HDAC9: variants seen among roughly 807,000 people sequenced by gnomAD.
HDAC9 encodes histone deacetylase 9.
In HDAC9, 41 loss-of-function variants were observed where a neutral mutation model predicts 139.4. The ratio of observed to expected loss-of-function variants is 0.29; its 90% CI spans 0.23 to 0.38. The LOEUF (loss-of-function observed/expected upper bound fraction) is 0.38, where lower values mean the gene tolerates loss of function less well. Ranked by LOEUF, HDAC9 falls within the 10% of genes least tolerant of loss-of-function variation. The pLI is 1.00. For missense variants in HDAC9, 1,147 were observed against 1,297.0 expected (o/e 0.88, Z 1.78); for synonymous variants, 517 against 476.2 (o/e 1.09, Z -1.12).
At chr7:18,765,107 G>A (rs1264294274) in intron 15 of HDAC9, among the ~76,000 whole-genome samples, 1 of 152,088 alleles carries the variant, frequency 6.6e-6, no homozygotes, top group African/African-American at 2.4e-5. Context: ...TCAGTGCATT[G>A]ATAAGACAAC....
intron 14 of HDAC9, among the ~76,000 whole-genome samples, chr7:18,758,228 C>A (rs1436951614): frequency 6.6e-6 from 1 of 152,184 alleles, no homozygotes; most frequent in Admixed American, 6.5e-5. Flanking sequence ...TCCTTATTTG[C>A]ATTGTGTGCC....
At position 18,999,784 on chromosome 7, in the gene HDAC9, T is replaced by G. The variant is rs1439804232; in HGVS notation, c.*3722T>G. The G allele has an allele frequency of 6.6e-6, 1 of 152,198 alleles. No individual in the cohort carries two copies. The highest frequency in any genetic ancestry group is 1.5e-5 in the Non-Finnish European group (1 of 68,044). 9.4% of individuals were successfully genotyped at this position (152,198 alleles called of 1,614,324 possible). A position where few individuals can be genotyped will look rare whatever the true frequency, so the allele number is the denominator to read the frequency against. On this transcript the variant is annotated 3_prime_UTR_variant, in exon 26 of 26. Transcript: ENST00000686413. The stretch of plus-strand genomic sequence containing the variant: ...AGCATTTATGTTTAGAAGAATTAAT[T>G]TAAATATTTCTTACTATTTCTCTGT...
chr7:18,642,903 C>T (rs1217866740), intron 8 of HDAC9, among the ~76,000 whole-genome samples: 1 of 152,038 alleles, frequency 6.6e-6, no homozygotes, highest in Non-Finnish European at 1.5e-5. Flanking sequence ...TCTCCCAGTC[C>T]GTGTCAAATC....
chr7:18,817,954 A>C (rs557864943), intron 17 of HDAC9, among the ~76,000 whole-genome samples: 1 of 152,356 alleles, frequency 6.6e-6, no homozygotes, highest in African/African-American at 2.4e-5. Flanking sequence ...TTTAAGCAAA[A>C]AATGCTTCTT....
intron 22 of HDAC9, among the ~76,000 whole-genome samples, chr7:18,889,446 A>G (rs548387450): frequency 6.6e-6 from 1 of 152,188 alleles, no homozygotes; most frequent in East Asian, 1.9e-4. Context: ...TGATTTAAAA[A>G]AAAATGATCT....
chr7:18,935,502 G>A (rs1056701831), intron 22 of HDAC9, among the ~76,000 whole-genome samples: 2 of 152,112 alleles, frequency 1.3e-5, no homozygotes, highest in Non-Finnish European at 2.9e-5. Context: ...AGAGTATTCA[G>A]TTTTTTTATC....
intron 2 of HDAC9, among the ~76,000 whole-genome samples, chr7:18,253,609 C>T (rs1434765969): frequency 3.9e-5 from 6 of 152,172 alleles, no homozygotes; most frequent in Non-Finnish European, 8.8e-5. Flanking sequence ...TGACAAACCA[C>T]AATCTTGATT....
intron 2 of HDAC9, among the ~76,000 whole-genome samples, chr7:18,201,487 T>A (rs1237441084): frequency 6.6e-6 from 1 of 152,194 alleles, no homozygotes; most frequent in Admixed American, 6.5e-5. Context: ...GCTTAGCCAC[T>A]CAGTCATAGA....
intron 23 of HDAC9, among the ~76,000 whole-genome samples, chr7:18,947,209 A>C (rs1242787486): frequency 6.6e-6 from 1 of 152,016 alleles, no homozygotes; most frequent in Non-Finnish European, 1.5e-5. Flanking sequence ...CATATATCTC[A>C]TTAGAGAATC....
chr7:18,828,611 T>C (rs965630943), intron 17 of HDAC9, among the ~76,000 whole-genome samples: 1 of 152,208 alleles, frequency 6.6e-6, no homozygotes, highest in Non-Finnish European at 1.5e-5. Context: ...GGAAGAAATA[T>C]GGGCTTTCCA....
At chr7:18,518,528 C>G (rs184152415) in intron 2 of HDAC9, among the ~76,000 whole-genome samples, 3 of 152,138 alleles carry the variant, frequency 2.0e-5, no homozygotes, top group Non-Finnish European at 4.4e-5. Flanking sequence ...GCATAGATTA[C>G]AAGCAGGGGA....
rs1488369042 is a variant in HDAC9 at position 18,745,851 on chromosome 7, C to G, written c.1910-3154C>G. On this transcript the variant is annotated intron_variant, in intron 13 of 25. Coordinates refer to ENST00000686413, the MANE Select transcript of HDAC9 (RefSeq NM_178425.4). ...GTGAGCCACCGTGCCCGGCCCGACTCTCTACTCTTGAAGAATATATTTCTT... is the reference window on the plus strand; with the variant it reads ...GTGAGCCACCGTGCCCGGCCCGACTGTCTACTCTTGAAGAATATATTTCTT... Among the ~76,000 whole-genome samples the G allele has an allele frequency of 5.4e-5, 8 of 147,286 alleles. No individual in the cohort carries two copies. The East Asian group carries it at 1.6e-3, about 30-fold the overall frequency.
At chr7:18,363,870 C>T (rs1585385582) in intron 1 of HDAC9, among the ~76,000 whole-genome samples, 2 of 152,260 alleles carry the variant, frequency 1.3e-5, no homozygotes, top group Admixed American at 1.3e-4. Flanking sequence ...AGGATACTGA[C>T]TGCCCCAGAA....
chr7:18,620,145 C>T (rs1839819842), intron 6 of HDAC9, among the ~76,000 whole-genome samples: 1 of 152,108 alleles, frequency 6.6e-6, no homozygotes, highest in Non-Finnish European at 1.5e-5. Flanking sequence ...ATGTAGTTGG[C>T]ACTGTATAGG....
In HDAC9 at chr7:18,292,418, A is replaced by G. The variant is rs548721037; in HGVS notation, c.-42+1903A>G. On this transcript the variant is annotated intron_variant, in intron 1 of 3. Transcript: ENST00000413509. ...TTTGCTCTTAGGCTTCCTGAAGATG[A>G]AAGTCGTCAGTATTCCTATAAAGCA... Among the ~76,000 whole-genome samples the G allele has an allele frequency of 1.5e-4, 23 of 152,264 alleles. 1 individual carries two copies. In the East Asian group the frequency reaches 2.7e-3, roughly 18 times the overall value.
At chr7:18,461,806 C>T (rs183303909) in intron 1 of HDAC9, among the ~76,000 whole-genome samples, 1 of 152,078 alleles carries the variant, frequency 6.6e-6, no homozygotes, top group African/African-American at 2.4e-5. Flanking sequence ...TAAACTGTTA[C>T]ACTAAAAATG....
At chr7:18,808,214 A>G (rs1486577142) in intron 17 of HDAC9, 2 of 152,316 alleles carry the variant, frequency 1.3e-5, no homozygotes, top group Non-Finnish European at 2.9e-5. Flanking sequence ...ATAGCCAGTG[A>G]TCTGCCAAAT....
intron 11 of HDAC9, among the ~76,000 whole-genome samples, chr7:18,653,190 A>G (rs896568012): frequency 2.0e-5 from 3 of 147,384 alleles, no homozygotes; most frequent in Non-Finnish European, 4.4e-5. Flanking sequence ...GTGAGCTGAG[A>G]TCCTGCCATG....
intron 1 of HDAC9, among the ~76,000 whole-genome samples, chr7:18,431,026 TGTC>T (rs1790599070): frequency 3.9e-5 from 1 of 25,590 alleles, no homozygotes; most frequent in Non-Finnish European, 1.1e-4. Context: ...TGTCCTGTCC[TGTC>T]CTGTCCTGTC....
Sources: gnomAD v4.1 joint callset for allele counts (sites outside exome capture counted in the v4.1 genomes callset) on GRCh38, gnomAD v4.1.1 for gene constraint, MANE v1.5 for transcripts, NCBI Gene and HGNC (gene_info 2026-07-23, HGNC 2026-07-21) for gene names.